Variants in STOX2 observed in about 807,000 individuals in gnomAD.
STOX2 encodes storkhead-box protein 2.
Under a neutral mutation model 60.9 loss-of-function variants are expected in STOX2, and 28 were observed. The ratio of observed to expected loss-of-function variants is 0.46; its 90% CI spans 0.34 to 0.63. STOX2 has a LOEUF of 0.63. STOX2 is among the 30% of genes least tolerant of loss of function. The pLI is 0.01. For missense variants in STOX2, 1,024 were observed against 1,187.7 expected (o/e 0.86, Z 2.03); for synonymous variants, 472 against 463.9 (o/e 1.02, Z -0.22).
In STOX2 at chr4:183,821,037, G is replaced by A. The variant is rs1440169488; in HGVS notation, c.364+22982G>A. 2.6e-5 allele frequency among the ~76,000 whole-genome samples: 4 copies of A among 152,082 alleles called. No individual in the cohort carries two copies. Among genetic ancestry groups the A allele is most frequent in the Admixed American group, 2.6e-4 (4 of 15,280 alleles). On this transcript the variant is annotated intron_variant, in intron 1 of 2. Transcript: ENST00000513034. This position sits in a 1 kb window ranked among gnomAD's most constrained non-coding sequence, Gnocchi z 4.2. ...TGGCAGGGTTGCTTGAGTCCGGGAGGTCATGGTTACAGTGAGCTGTGATTG... is the reference window on the plus strand; with the variant it reads ...TGGCAGGGTTGCTTGAGTCCGGGAGATCATGGTTACAGTGAGCTGTGATTG...
intron 1 of STOX2, among the ~76,000 whole-genome samples, chr4:183,983,669 C>A (rs1732735941): frequency 6.6e-6 from 1 of 152,212 alleles, no homozygotes; most frequent in Non-Finnish European, 1.5e-5. Context: ...ATGGAGGTGT[C>A]AGGCTTCTTT....
At chr4:183,954,287 G>GTT in intron 1 of STOX2, among the ~76,000 whole-genome samples, 1 of 151,766 alleles carries the variant, frequency 6.6e-6, no homozygotes, top group Admixed American at 6.6e-5. Flanking sequence ...TTTGTTTTTT[G>GTT]TTTTTGTTTT....
chr4:183,966,169 C>T (rs1426395454), intron 1 of STOX2, among the ~76,000 whole-genome samples: 1 of 151,934 alleles, frequency 6.6e-6, no homozygotes, highest in Non-Finnish European at 1.5e-5. Context: ...CTCTATATGG[C>T]CAAGAGTGGT....
chr4:183,855,345 G>A (rs544138539), intron 1 of STOX2, among the ~76,000 whole-genome samples: 2 of 152,260 alleles, frequency 1.3e-5, no homozygotes, highest in East Asian at 1.9e-4. Context: ...TCATAGGCTC[G>A]TCTTGGGGGA....
chr4:184,008,174 A>G (rs115925105), intron 2 of STOX2, among the ~76,000 whole-genome samples: 193 of 152,344 alleles, frequency 1.3e-3, no homozygotes, highest in African/African-American at 4.5e-3. Flanking sequence ...CAGTCTTCTA[A>G]GTATTACCAC....
At chr4:183,955,206 G>A (rs1252540383) in intron 1 of STOX2, among the ~76,000 whole-genome samples, 2 of 152,272 alleles carry the variant, frequency 1.3e-5, no homozygotes, top group South Asian at 2.1e-4. Context: ...TCTTCCGCAT[G>A]TACAAGAACT....
chr4:183,900,359 A>G (rs563633048), upstream of STOX2, among the ~76,000 whole-genome samples: 1 of 152,338 alleles, frequency 6.6e-6, no homozygotes, highest in Non-Finnish European at 1.5e-5. Flanking sequence ...TGTAGCTGCC[A>G]TAGATCATGA....
At chr4:183,976,556 G>C (rs1238594414) in intron 1 of STOX2, among the ~76,000 whole-genome samples, 2 of 151,968 alleles carry the variant, frequency 1.3e-5, no homozygotes, top group African/African-American at 4.8e-5. Flanking sequence ...ACTACTAGAG[G>C]GGGAGGGAGG....
intron 1 of STOX2, among the ~76,000 whole-genome samples, chr4:183,819,762 C>T (rs572777565): frequency 3.2e-4 from 48 of 152,290 alleles, no homozygotes; most frequent in African/African-American, 1.1e-3. Context: ...AAGGCTTGAA[C>T]GGCATCGCCC....
intron 1 of STOX2, among the ~76,000 whole-genome samples, chr4:183,872,063 A>AT (rs552867538): frequency 3.2e-4 from 48 of 149,750 alleles, no homozygotes; most frequent in African/African-American, 4.6e-4. Context: ...GAGTGGAATC[A>AT]TTTTTTTTTT....
intron 1 of STOX2, among the ~76,000 whole-genome samples, chr4:183,953,575 A>ATTTTTTTTT (rs71951843): frequency 1.4e-5 from 2 of 144,086 alleles, no homozygotes; most frequent in Non-Finnish European, 1.5e-5. Context: ...ATTATCCCTG[A>ATTTTTTTTT]TTTTTTTTGA....
chr4:183,806,330 C>G lies in STOX2; in HGVS notation c.364+8275C>G, dbSNP rs1738888281. On this transcript the variant is annotated intron_variant, in intron 1 of 2. Coordinates refer to the STOX2 transcript ENST00000513034. The surrounding 1 kb of genome is among the most constrained non-coding windows in gnomAD (Gnocchi z 4.1). ...GTACGTTTGGGAAGCACATGATGTC[C>G]CTTAGTCTAGCTCTCTGGCATGGAA... Among the ~76,000 whole-genome samples the G allele has an allele frequency of 6.6e-6, 1 of 152,110 alleles. No individual in the cohort carries two copies. The highest frequency in any genetic ancestry group is 6.6e-5 in the Admixed American group (1 of 15,264).
In STOX2 at chr4:183,821,307, A is replaced by G. The variant is rs1364339189; in HGVS notation, c.364+23252A>G. Among the ~76,000 whole-genome samples the G allele has an allele frequency of 2.0e-5, 3 of 152,182 alleles. No individual in the cohort carries two copies. Among genetic ancestry groups the G allele is most frequent in the African/African-American group, 7.2e-5 (3 of 41,452 alleles). ...CCATATGGTGCTTCACGGAATGCAG[A>G]TAATGGCTTTATTTTCCTCCCTGTC... On this transcript the variant is annotated intron_variant, in intron 1 of 2. Coordinates refer to the STOX2 transcript ENST00000513034. This position sits in a 1 kb window ranked among gnomAD's most constrained non-coding sequence, Gnocchi z 4.2.
At chr4:183,829,145 T>G (rs1361549172) in intron 1 of STOX2, among the ~76,000 whole-genome samples, 1 of 152,256 alleles carries the variant, frequency 6.6e-6, no homozygotes, top group African/African-American at 2.4e-5. Context: ...GCTCTTTTCC[T>G]ATCCAAAGAA....
rs551073077 is a variant in STOX2 at position 183,812,062 on chromosome 4, G to A, written c.364+14007G>A. Among the ~76,000 whole-genome samples, 5 of 151,652 alleles carry A rather than the reference G, an allele frequency of 3.3e-5. No homozygotes were observed. The East Asian group carries it at 9.8e-4, about 30-fold the overall frequency. On this transcript the variant is annotated intron_variant, in intron 1 of 2. Coordinates refer to the STOX2 transcript ENST00000513034. ...TCCTCCCACCTCAGCCTCCTCAGTAGTTGGAACTACAGGCATATGCCGCCA... is the reference window on the plus strand; with the variant it reads ...TCCTCCCACCTCAGCCTCCTCAGTAATTGGAACTACAGGCATATGCCGCCA...
chr4:183,944,670 C>T (rs983222491), intron 1 of STOX2, among the ~76,000 whole-genome samples: 1 of 152,186 alleles, frequency 6.6e-6, no homozygotes, highest in Non-Finnish European at 1.5e-5. Flanking sequence ...GCCAAGATCA[C>T]ACCACTGCAC....
intron 1 of STOX2, among the ~76,000 whole-genome samples, chr4:183,910,203 T>C (rs1345762708): frequency 6.6e-6 from 1 of 152,228 alleles, no homozygotes; most frequent in East Asian, 1.9e-4. Flanking sequence ...CATGGCGTTA[T>C]CTTAAGAAGA....
intron 3 of STOX2, chr4:184,014,029 C>T (rs943016050): frequency 5.9e-5 from 9 of 151,588 alleles, no homozygotes; most frequent in Non-Finnish European, 7.4e-5. Flanking sequence ...GCCACCATGC[C>T]CAGCCCTGAC....
chr4:183,929,977 C>T (rs1742368742), intron 1 of STOX2, among the ~76,000 whole-genome samples: 1 of 151,808 alleles, frequency 6.6e-6, no homozygotes, highest in East Asian at 2.0e-4. Context: ...CATTCTCCTG[C>T]CTCAGCCTCC....
Sources: allele counts gnomAD v4.1 joint callset (sites outside exome capture counted in the v4.1 genomes callset), GRCh38; gene constraint gnomAD v4.1.1; non-coding constraint Gnocchi (gnomAD v3.1); transcripts MANE v1.5; gene names NCBI Gene and HGNC (gene_info 2026-07-23, HGNC 2026-07-21).